Variants in PLD5 observed in about 807,000 individuals in gnomAD.
PLD5 encodes phospholipase D family member 5, also known as inactive phospholipase D5.
In PLD5, 36 loss-of-function variants were observed where a neutral mutation model predicts 61.1. The ratio of observed to expected loss-of-function variants is 0.59; its 90% CI spans 0.45 to 0.78. The LOEUF (loss-of-function observed/expected upper bound fraction) is 0.78. PLD5 is among the 30% of genes least tolerant of loss of function. The probability of loss-of-function intolerance (pLI) is 0.00; values close to 1 mark genes in which losing one functional copy is unlikely to be tolerated. For synonymous variants in PLD5, 243 were observed against 242.8 expected (o/e 1.00, Z -0.01); for missense variants, 515 against 644.4 (o/e 0.80, Z 2.17).
At chr1:242,353,731 G>A (rs1348853177) in intron 1 of PLD5, among the ~76,000 whole-genome samples, 2 of 151,844 alleles carry the variant, frequency 1.3e-5, no homozygotes, top group Non-Finnish European at 2.9e-5. Context: ...TCAGATACAT[G>A]GCTTGCAATA....
At chr1:242,302,674 G>A (rs367893387) in intron 2 of PLD5, among the ~76,000 whole-genome samples, 30 of 152,316 alleles carry the variant, frequency 2.0e-4, no homozygotes, top group South Asian at 4.1e-4. Flanking sequence ...AACTATGATC[G>A]TGCCACTGCA....
At position 242,394,228 on chromosome 1, in the gene PLD5, A is replaced by ATATGAGTATATATATGTG. The variant is rs1558525664; in HGVS notation, c.190-45987_190-45986insCACATATATATACTCATA. Among the ~76,000 whole-genome samples the ATATGAGTATATATATGTG allele has an allele frequency of 3.6e-4, 7 of 19,220 alleles. No individual in the cohort carries two copies. In the East Asian group the frequency reaches 0.011, roughly 30 times the overall value. The allele number at this position is 19,220 out of a possible 152,430, so 12.6% of individuals were successfully genotyped here. On this transcript the variant is annotated intron_variant, in intron 1 of 9. Coordinates refer to ENST00000536534, the MANE Select transcript of PLD5 (RefSeq NM_001372062.1). ...TGTGTATATGAGTATATATATGTGT[A>ATATGAGTATATATATGTG]TATATATGAGTATATATATGTGTAT...
At chr1:242,355,499 T>G (rs1317447524) in intron 1 of PLD5, among the ~76,000 whole-genome samples, 1 of 152,028 alleles carries the variant, frequency 6.6e-6, no homozygotes, top group Non-Finnish European at 1.5e-5. Context: ...TCTTTTCTTC[T>G]TAGTCCAGCT....
intron 4 of PLD5, among the ~76,000 whole-genome samples, chr1:242,246,389 A>C (rs769259766): frequency 2.0e-5 from 3 of 151,924 alleles, no homozygotes; most frequent in African/African-American, 4.8e-5. Flanking sequence ...AATAACTCAC[A>C]GAGGTCACAC....
At chr1:242,287,109 C>T (rs1401673013) in intron 3 of PLD5, among the ~76,000 whole-genome samples, 2 of 152,116 alleles carry the variant, frequency 1.3e-5, no homozygotes, top group African/African-American at 4.8e-5. Flanking sequence ...GAGGATCCAA[C>T]CACCATGTAA....
chr1:242,486,273 C>T (rs1489331722), intron 1 of PLD5, among the ~76,000 whole-genome samples: 2 of 152,150 alleles, frequency 1.3e-5, no homozygotes, highest in Non-Finnish European at 2.9e-5. Context: ...TCAGAGTGAA[C>T]AGGAAACCTA....
intron 4 of PLD5, among the ~76,000 whole-genome samples, chr1:242,222,747 TA>T (rs1200310002): frequency 1.2e-4 from 18 of 152,204 alleles, no homozygotes; most frequent in Admixed American, 1.2e-3. Context: ...GCTCTAAAAG[TA>T]CCATGTTATT....
At chr1:242,507,898 AT>A (rs1668777192) in intron 1 of PLD5, among the ~76,000 whole-genome samples, 1 of 152,218 alleles carries the variant, frequency 6.6e-6, no homozygotes, top group South Asian at 2.1e-4. Flanking sequence ...TGGTAATTAC[AT>A]TTAATAAATG....
intron 4 of PLD5, among the ~76,000 whole-genome samples, chr1:242,247,251 G>A (rs1404557181): frequency 2.6e-5 from 4 of 152,200 alleles, no homozygotes; most frequent in Non-Finnish European, 5.9e-5. Flanking sequence ...CAGAGTGCTG[G>A]GATTACAGGC....
intron 1 of PLD5, among the ~76,000 whole-genome samples, chr1:242,429,185 A>G (rs1169076530): frequency 1.3e-5 from 2 of 152,248 alleles, no homozygotes; most frequent in Non-Finnish European, 2.9e-5. Flanking sequence ...AAAAGTTCCA[A>G]TAACCCTCAA....
chr1:242,111,391 C>T (rs1661486228), intron 7 of PLD5, among the ~76,000 whole-genome samples: 1 of 152,070 alleles, frequency 6.6e-6, no homozygotes, highest in Admixed American at 6.6e-5. Flanking sequence ...TTTATTTAGT[C>T]ACAGATCATT....
chr1:242,253,137 T>TTTTTTTTTG (rs1672806166), intron 4 of PLD5, among the ~76,000 whole-genome samples: 2 of 70,152 alleles, frequency 2.9e-5, no homozygotes, highest in African/African-American at 8.2e-5. Flanking sequence ...TTTTTTTTTT[T>TTTTTTTTTG]GAGGCAGGGT....
chr1:242,140,796 GC>G lies in PLD5; in HGVS notation c.736-16132del, dbSNP rs575389852. On this transcript the variant is annotated intron_variant, in intron 5 of 9. Transcript: ENST00000536534. ...GTCAGCCTTTTTCTTTAGCCTCTCA[GC>G]CCCCTTGGCCTTAGAGGATGGGCTG... Among the ~76,000 whole-genome samples, 581 of 151,732 alleles carry G rather than the reference GC, an allele frequency of 3.8e-3. 10 individuals are homozygous for G. Among genetic ancestry groups the G allele is most frequent in the Non-Finnish European group, 4.4e-3 (298 of 67,928 alleles).
chr1:242,248,683 C>G (rs1217804572), intron 4 of PLD5, among the ~76,000 whole-genome samples: 1 of 151,958 alleles, frequency 6.6e-6, no homozygotes, highest in Non-Finnish European at 1.5e-5. Context: ...CAAGTAAACT[C>G]TTCAAATTAT....
chr1:242,420,006 C>G (rs1015616950), intron 1 of PLD5, among the ~76,000 whole-genome samples: 5 of 152,016 alleles, frequency 3.3e-5, no homozygotes, highest in African/African-American at 1.2e-4. Flanking sequence ...AAGACTATAC[C>G]AGGAACTCTC....
chr1:242,140,428 G>C (rs1177195509), intron 5 of PLD5, among the ~76,000 whole-genome samples: 1 of 130,714 alleles, frequency 7.7e-6, no homozygotes, highest in African/African-American at 3.1e-5. Context: ...TGGATCACTT[G>C]AGTCCAGGAG....
intron 1 of PLD5, among the ~76,000 whole-genome samples, chr1:242,372,462 C>G (rs542819066): frequency 6.6e-6 from 1 of 152,140 alleles, no homozygotes; most frequent in South Asian, 2.1e-4. Flanking sequence ...CATATGGAAC[C>G]AAAAAAGAGC....
At chr1:242,444,508 C>G (rs1666416739) in intron 1 of PLD5, among the ~76,000 whole-genome samples, 2 of 151,148 alleles carry the variant, frequency 1.3e-5, no homozygotes, top group African/African-American at 4.9e-5. Flanking sequence ...CACTCATTAC[C>G]TTCAAGCTTC....
At chr1:242,237,130 C>T (rs1315007621) in intron 4 of PLD5, among the ~76,000 whole-genome samples, 2 of 151,236 alleles carry the variant, frequency 1.3e-5, no homozygotes, top group African/African-American at 2.4e-5. Flanking sequence ...TTCTTTCTCC[C>T]TTTTTTTTTC....
Sources: allele counts gnomAD v4.1 joint callset (sites outside exome capture counted in the v4.1 genomes callset), GRCh38; gene constraint gnomAD v4.1.1; transcripts MANE v1.5; gene names NCBI Gene and HGNC (gene_info 2026-07-23, HGNC 2026-07-21).